Variants in EYA1 observed in about 807,000 individuals in gnomAD.
EYA1 encodes protein phosphatase EYA1.
Under a neutral mutation model 82.0 loss-of-function variants are expected in EYA1, and 16 were observed. The observed-to-expected ratio is 0.20, with a 90% CI of 0.13 to 0.30. EYA1 has a LOEUF of 0.30. Ranked by LOEUF, EYA1 falls within the 10% of genes least tolerant of loss-of-function variation. The probability of loss-of-function intolerance (pLI) is 1.00; values close to 1 mark genes in which losing one functional copy is unlikely to be tolerated. For missense variants in EYA1, 633 were observed against 730.7 expected (o/e 0.87, Z 1.54); for synonymous variants, 261 against 264.4 (o/e 0.99, Z 0.12).
chr8:71,269,873 T>C, intron 10 of EYA1, 50 bp from the exon 11 acceptor site: 1 of 1,420,126 alleles, frequency 7.0e-7, no homozygotes, highest in Non-Finnish European at 1.0e-6. Flanking sequence ...CTGAGAAAGC[T>C]GTTATTCAGT....
chr8:71,458,620 AG>A (rs1236448513), intron 2 of EYA1, among the ~76,000 whole-genome samples: 1 of 152,178 alleles, frequency 6.6e-6, no homozygotes, highest in African/African-American at 2.4e-5. Context: ...GTGATGGATT[AG>A]ATATGGATGA....
intron 2 of EYA1, among the ~76,000 whole-genome samples, chr8:71,425,421 A>T (rs1805145292): frequency 6.6e-6 from 1 of 152,212 alleles, no homozygotes; most frequent in South Asian, 2.1e-4. Flanking sequence ...ATTTTTACAG[A>T]TCCAAAAATG....
In EYA1 at chr8:71,215,371, A is replaced by G. The variant is rs754144955; in HGVS notation, c.1597+16T>C. 6.2e-6 allele frequency: 10 copies of G among 1,610,732 alleles called. No homozygotes were observed. Among genetic ancestry groups the G allele is most frequent in the African/African-American group, 1.3e-5 (1 of 74,838 alleles). On this transcript the variant is annotated intron_variant, in intron 16 of 17. Transcript: ENST00000340726. ...GAAAAGAGCTGATTGTTAAAAAGAA[A>G]AGAAAAGCAGCTCACCTATTTTAGT...
chr8:71,323,154 C>T (rs1487602805), intron 4 of EYA1, among the ~76,000 whole-genome samples: 1 of 152,068 alleles, frequency 6.6e-6, no homozygotes, highest in East Asian at 1.9e-4. Context: ...TATAAATCTA[C>T]ATATATGTGT....
intron 2 of EYA1, among the ~76,000 whole-genome samples, chr8:71,476,965 T>G (rs1809713640): frequency 6.6e-6 from 1 of 151,820 alleles, no homozygotes; most frequent in African/African-American, 2.4e-5. Context: ...GACAAGACCA[T>G]TCAACAGGGA....
chr8:71,310,914 T>C (rs1047304554), intron 7 of EYA1, among the ~76,000 whole-genome samples: 52 of 152,200 alleles, frequency 3.4e-4, no homozygotes, highest in African/African-American at 9.9e-4. Context: ...TTACCTTTAA[T>C]AGTCTAGAAT....
intron 2 of EYA1, among the ~76,000 whole-genome samples, chr8:71,455,042 T>A (rs1272527521): frequency 6.6e-6 from 1 of 151,848 alleles, no homozygotes; most frequent in African/African-American, 2.4e-5. Context: ...GAGAGAAGCA[T>A]CAAAAAGACA....
chr8:71,311,166 A>G (rs746683892), intron 7 of EYA1, among the ~76,000 whole-genome samples: 11 of 152,204 alleles, frequency 7.2e-5, no homozygotes, highest in Non-Finnish European at 1.5e-4. Context: ...CCATAAATCT[A>G]TATTATATGT....
chr8:71,267,888 TA>T (rs1339544245), intron 11 of EYA1, among the ~76,000 whole-genome samples: 9 of 152,150 alleles, frequency 5.9e-5, no homozygotes, highest in African/African-American at 1.9e-4. Context: ...ATGAGAAAAC[TA>T]AACTAAACAA....
chr8:71,390,968 T>G (rs963433243), intron 2 of EYA1, among the ~76,000 whole-genome samples: 4 of 152,038 alleles, frequency 2.6e-5, no homozygotes, highest in South Asian at 2.1e-4. Context: ...AAATTTACCT[T>G]TTTTTGTTTT....
chr8:71,290,953 T>C (rs1267299281), intron 9 of EYA1, among the ~76,000 whole-genome samples: 14 of 152,174 alleles, frequency 9.2e-5, no homozygotes, highest in Non-Finnish European at 1.9e-4. Context: ...TTCCAAAACA[T>C]TAGTTAAAAT....
chr8:71,321,933 G>A, intron 5 of EYA1, 54 bp from the exon 6 acceptor site: 1 of 1,606,118 alleles, frequency 6.2e-7, no homozygotes, highest in East Asian at 2.2e-5. Context: ...ATGGAAACAT[G>A]CAAACCGATT....
chr8:71,511,324 C>T (rs1288767135), intron 2 of EYA1, among the ~76,000 whole-genome samples: 1 of 152,024 alleles, frequency 6.6e-6, no homozygotes, highest in Non-Finnish European at 1.5e-5. Context: ...AGCCATGGTC[C>T]CTGATCCAAA....
chr8:71,230,114 A>C (rs1348878117), intron 12 of EYA1, among the ~76,000 whole-genome samples: 1 of 152,044 alleles, frequency 6.6e-6, no homozygotes, highest in East Asian at 1.9e-4. Context: ...ACTTAAACAC[A>C]TTTTGGGGAA....
intron 12 of EYA1, among the ~76,000 whole-genome samples, chr8:71,238,212 A>G (rs777638053): frequency 6.6e-6 from 1 of 152,166 alleles, no homozygotes; most frequent in Non-Finnish European, 1.5e-5. Flanking sequence ...TTTATTTAAA[A>G]CATACACAAT....
chr8:71,293,588 T>C (rs574369263), intron 9 of EYA1, among the ~76,000 whole-genome samples: 5 of 151,974 alleles, frequency 3.3e-5, no homozygotes, highest in South Asian at 2.1e-4. Context: ...AAGAATTATA[T>C]GTCATGACCA....
At chr8:71,207,030 A>T (rs1261165484) in intron 17 of EYA1, among the ~76,000 whole-genome samples, 1 of 152,218 alleles carries the variant, frequency 6.6e-6, no homozygotes, top group Non-Finnish European at 1.5e-5. Flanking sequence ...TGCTGGGATT[A>T]CAAGTGTGAG....
intron 2 of EYA1, among the ~76,000 whole-genome samples, chr8:71,503,699 T>C (rs1159114747): frequency 6.6e-6 from 1 of 152,216 alleles, no homozygotes; most frequent in Admixed American, 6.5e-5. Context: ...CCAATGTTAT[T>C]TGAGCAGGTA....
At chr8:71,520,384 G>A (rs183533671) in intron 2 of EYA1, among the ~76,000 whole-genome samples, 48 of 152,152 alleles carry the variant, frequency 3.2e-4, no homozygotes, top group African/African-American at 9.6e-4. Context: ...CCCCTCAAGC[G>A]GAACAATGGT....
Sources: allele counts gnomAD v4.1 joint callset (sites outside exome capture counted in the v4.1 genomes callset), GRCh38; gene constraint gnomAD v4.1.1; transcripts MANE v1.5; gene names NCBI Gene and HGNC (gene_info 2026-07-23, HGNC 2026-07-21).